The following ADGRG6 variants were observed in gnomAD, a reference collection of about 807,000 sequenced individuals.
ADGRG6 encodes the protein adhesion G protein-coupled receptor G6.
Under a neutral mutation model 142.4 loss-of-function variants are expected in ADGRG6, and 84 were observed. That is an observed-to-expected ratio of 0.59 (90% CI 0.49 to 0.71). The LOEUF is 0.71. Ranked by LOEUF, ADGRG6 falls within the 30% of genes least tolerant of loss-of-function variation. The pLI is 0.00. For synonymous variants in ADGRG6, 521 were observed against 520.5 expected (o/e 1.00, Z -0.01); for missense variants, 1,367 against 1,466.6 (o/e 0.93, Z 1.11).
chr6:142,329,813 A>G (rs1181399777), intron 2 of ADGRG6, among the ~76,000 whole-genome samples: 1 of 152,176 alleles, frequency 6.6e-6, no homozygotes, highest in Non-Finnish European at 1.5e-5. Flanking sequence ...ATTCTTCTCT[A>G]AGTTTTTCTA....
intron 2 of ADGRG6, among the ~76,000 whole-genome samples, chr6:142,327,098 G>C (rs1891308): frequency 6.6e-6 from 1 of 151,752 alleles, no homozygotes; most frequent in South Asian, 2.1e-4. Context: ...TTGTTTGGGT[G>C]TGTATGCTTT....
intron 2 of ADGRG6, among the ~76,000 whole-genome samples, chr6:142,333,232 G>A (rs901734786): frequency 1.1e-4 from 16 of 152,102 alleles, no homozygotes; most frequent in African/African-American, 3.9e-4. Context: ...AACTCCTCTA[G>A]GGGACAGAAT....
chr6:142,440,906 A>G (rs764370780), intron 24 of ADGRG6: 6 of 1,435,974 alleles, frequency 4.2e-6, no homozygotes, highest in Non-Finnish European at 4.7e-6. Flanking sequence ...TTTATGGTAT[A>G]GATAATGTCT....
intron 2 of ADGRG6, among the ~76,000 whole-genome samples, chr6:142,314,439 G>A (rs1777925907): frequency 6.6e-6 from 1 of 152,162 alleles, no homozygotes; most frequent in Non-Finnish European, 1.5e-5. Context: ...TTGGTAAACA[G>A]AGAATATTTA....
intron 22 of ADGRG6, among the ~76,000 whole-genome samples, chr6:142,434,691 G>A (rs909616181): frequency 2.6e-5 from 4 of 151,974 alleles, no homozygotes; most frequent in African/African-American, 9.7e-5. Flanking sequence ...CTTTCATAGT[G>A]GCATTTTTCT....
intron 2 of ADGRG6, among the ~76,000 whole-genome samples, chr6:142,318,064 A>ATATATTTATGTTATATATATTTATAT (rs1778241018): frequency 2.9e-5 from 1 of 34,822 alleles, no homozygotes; most frequent in East Asian, 1.5e-3. Flanking sequence ...TATTTATATT[A>ATATATTTATGTTATATATATTTATAT]TATATATTTA....
chr6:142,352,893 T>A (rs955531315), intron 2 of ADGRG6, among the ~76,000 whole-genome samples: 1 of 152,102 alleles, frequency 6.6e-6, no homozygotes, highest in Non-Finnish European at 1.5e-5. Context: ...TAAAATTAGA[T>A]GAAGTGTGCC....
intron 3 of ADGRG6, among the ~76,000 whole-genome samples, chr6:142,369,590 T>G (rs1362588762): frequency 1.3e-5 from 2 of 152,190 alleles, no homozygotes; most frequent in African/African-American, 4.8e-5. Context: ...GTTTGACTTT[T>G]CACTAGACTC....
intron 2 of ADGRG6, among the ~76,000 whole-genome samples, chr6:142,329,835 A>G (rs762255669): frequency 1.7e-4 from 26 of 152,202 alleles, no homozygotes; most frequent in Admixed American, 9.2e-4. Context: ...TTGCAGTGCA[A>G]TGACAACAGT....
intron 2 of ADGRG6, among the ~76,000 whole-genome samples, chr6:142,357,004 A>C (rs1019488321): frequency 4.6e-5 from 7 of 152,214 alleles, no homozygotes; most frequent in Admixed American, 3.9e-4. Flanking sequence ...CTTGTATTCA[A>C]ATTTTAAAGA....
At chr6:142,402,437 A>G (rs143323661) in intron 12 of ADGRG6, among the ~76,000 whole-genome samples, 183 bp from the exon 13 acceptor site, 156 of 152,254 alleles carry the variant, frequency 1.0e-3, no homozygotes, top group Non-Finnish European at 1.9e-3. Flanking sequence ...TAAAGAGAGA[A>G]GTTAGTCTCT....
chr6:142,336,761 A>G (rs1205843368), intron 2 of ADGRG6, among the ~76,000 whole-genome samples: 1 of 152,226 alleles, frequency 6.6e-6, no homozygotes, highest in Non-Finnish European at 1.5e-5. Context: ...GGGTGGTATT[A>G]TTGTCACTAT....
At chr6:142,307,601 G>A (rs1777567042) in intron 1 of ADGRG6, among the ~76,000 whole-genome samples, 1 of 151,944 alleles carries the variant, frequency 6.6e-6, no homozygotes, top group Non-Finnish European at 1.5e-5. Flanking sequence ...ATTTACAGAA[G>A]AAAAGACTAA....
At chr6:142,320,010 T>A (rs886577102) in intron 2 of ADGRG6, among the ~76,000 whole-genome samples, 31 of 152,116 alleles carry the variant, frequency 2.0e-4, no homozygotes, top group Admixed American at 2.0e-3. Context: ...TAGGGCAGAA[T>A]ACATAAACCA....
At chr6:142,420,715 C>T (rs1421772941) in intron 22 of ADGRG6, among the ~76,000 whole-genome samples, 1 of 152,130 alleles carries the variant, frequency 6.6e-6, no homozygotes, top group Non-Finnish European at 1.5e-5. Context: ...CATAAAAATA[C>T]CAGGCTTCCT....
chr6:142,335,318 T>C (rs1416393512), intron 2 of ADGRG6, among the ~76,000 whole-genome samples: 3 of 152,092 alleles, frequency 2.0e-5, no homozygotes, highest in Non-Finnish European at 4.4e-5. Flanking sequence ...TTGATCTTGG[T>C]AGTGGTGGGG....
At chr6:142,310,358 T>C (rs1351084149) in intron 2 of ADGRG6, among the ~76,000 whole-genome samples, 2 of 151,794 alleles carry the variant, frequency 1.3e-5, no homozygotes, top group Admixed American at 6.6e-5. Flanking sequence ...TGAGCAAATT[T>C]ATTTAAGTCC....
Position 142,370,523 on chromosome 6 carries a change from A to C in ADGRG6, c.799A>C (p.Asn267His). ...TAATTCTTTGGGCTCTATTGGTGTA[A>C]ATTTCAAAAGAAACTATGAAACAGT... ...WNNSLGSIGV[N>H]FKRNYETVPC... is the part of the protein sequence containing the mutation. Residue 267 changes from asparagine to histidine, a missense_variant, in exon 4 of 25, where the codon AAT becomes CAT. Physicochemically the swap from Asn to His is moderately conservative, Grantham distance 68. Coordinates refer to ENST00000367609, the MANE Select transcript of ADGRG6 (RefSeq NM_198569.3). 1 of 1,613,742 alleles carries C rather than the reference A, an allele frequency of 6.2e-7. No individual in the cohort carries two copies. The highest frequency in any genetic ancestry group is 1.1e-5 in the South Asian group (1 of 91,070).
rs76806065 is a variant in ADGRG6, at chr6:142,382,362, A to C, written c.1138+343A>C. ...AAGTCCAGTATAAATACAGTGGTAC[A>C]ATACTTTGAAGAAGTATTCATGTCT... is the stretch of plus-strand genomic sequence containing the variant. On this transcript the variant is annotated intron_variant, in intron 5 of 24. Transcript: ENST00000367609. 1.1e-3 allele frequency among the ~76,000 whole-genome samples: 174 copies of C among 152,336 alleles called. 6 individuals are homozygous for C. In the East Asian group the frequency reaches 0.033, roughly 29 times the overall value.
Sources: gnomAD v4.1 joint callset for allele counts (sites outside exome capture counted in the v4.1 genomes callset) on GRCh38, gnomAD v4.1.1 for gene constraint, MANE v1.5 for transcripts, NCBI Gene and HGNC (gene_info 2026-07-23, HGNC 2026-07-21) for gene names.